AUH: variants seen among roughly 807,000 people sequenced by gnomAD.
AUH encodes the protein methylglutaconyl-CoA hydratase, mitochondrial.
Under a neutral mutation model 42.3 loss-of-function variants are expected in AUH, and 29 were observed. That is an observed-to-expected ratio of 0.69 (90% CI 0.51 to 0.93). AUH has a LOEUF of 0.93. Among genes scored for constraint, AUH ranks in the 40% least tolerant of loss-of-function variants. The pLI, the probability that AUH is intolerant of heterozygous loss-of-function variation, is 0.00. For missense variants in AUH, 452 were observed against 438.1 expected, an observed-to-expected ratio of 1.03 and a Z score of -0.28; for synonymous variants, 174 against 166.4, an observed-to-expected ratio of 1.05 and a Z score of -0.35.
At chr9:91,242,837 A>G (rs1318844537) in intron 6 of AUH, among the ~76,000 whole-genome samples, 2 of 152,234 alleles carry the variant, frequency 1.3e-5, no homozygotes, top group African/African-American at 4.8e-5. Context: ...AATAAAAGAA[A>G]TAATATGTGA....
chr9:91,288,818 T>C (rs549348462), intron 6 of AUH, among the ~76,000 whole-genome samples: 1 of 152,264 alleles, frequency 6.6e-6, no homozygotes, highest in South Asian at 2.1e-4. Flanking sequence ...AAATTGAGCC[T>C]TCTAAATTAA....
intron 6 of AUH, among the ~76,000 whole-genome samples, chr9:91,289,383 G>T (rs1256141684): frequency 6.6e-6 from 1 of 152,108 alleles, no homozygotes; most frequent in East Asian, 1.9e-4. Context: ...GTCAGCACCT[G>T]CTCATCTGGA....
At chr9:91,276,849 T>C in intron 6 of AUH, among the ~76,000 whole-genome samples, 1 of 152,200 alleles carries the variant, frequency 6.6e-6, no homozygotes, top group Non-Finnish European at 1.5e-5. Flanking sequence ...ATGTTTGCCA[T>C]GTGGTTTTCT....
chr9:91,233,685 T>C (rs1828017972), intron 6 of AUH, among the ~76,000 whole-genome samples: 3 of 152,176 alleles, frequency 2.0e-5, no homozygotes, highest in Admixed American at 1.3e-4. Flanking sequence ...CGTAACTGTT[T>C]CAAAATAATT....
rs183074787 is a variant in AUH at position 91,224,611 on chromosome 9, T to G, written c.656-3619A>C. ...CTTATGCTATGGTCTTTGATCAGTTTTGTGTTAATTTTTGCATAGGGTATA... is the reference window on the plus strand; with the variant it reads ...CTTATGCTATGGTCTTTGATCAGTTGTGTGTTAATTTTTGCATAGGGTATA... On this transcript the variant is annotated intron_variant, in intron 6 of 9. Transcript: ENST00000375731. Among the ~76,000 whole-genome samples, 13 of 152,354 alleles carry G rather than the reference T, an allele frequency of 8.5e-5. No homozygotes were observed. In the East Asian group the frequency reaches 2.5e-3, roughly 29 times the overall value.
chr9:91,256,332 T>C (rs1829401223), intron 6 of AUH, among the ~76,000 whole-genome samples: 1 of 152,128 alleles, frequency 6.6e-6, no homozygotes, highest in Non-Finnish European at 1.5e-5. Context: ...ACCCACAATC[T>C]GGAGACTGAG....
At chr9:91,233,634 T>C (rs544944745) in intron 6 of AUH, among the ~76,000 whole-genome samples, 2 of 152,234 alleles carry the variant, frequency 1.3e-5, no homozygotes, top group Admixed American at 6.5e-5. Flanking sequence ...TTCAGGGAGA[T>C]AAAGGAAGAC....
intron 3 of AUH, among the ~76,000 whole-genome samples, chr9:91,341,807 G>A (rs1412005276): frequency 6.6e-6 from 1 of 152,236 alleles, no homozygotes; most frequent in Non-Finnish European, 1.5e-5. Context: ...AACGTTCAGA[G>A]ATGAAGCTAA....
intron 6 of AUH, among the ~76,000 whole-genome samples, chr9:91,262,147 A>G (rs1829738013): frequency 6.6e-6 from 1 of 152,202 alleles, no homozygotes; most frequent in Non-Finnish European, 1.5e-5. Context: ...TTGTTCTTTA[A>G]ATATTATTTT....
intron 1 of AUH, among the ~76,000 whole-genome samples, chr9:91,359,535 C>A (rs546088211): frequency 6.3e-4 from 95 of 151,668 alleles, no homozygotes; most frequent in Admixed American, 1.1e-3. Context: ...CATCATAGCT[C>A]ACTGCAGCCT....
At chr9:91,297,549 TA>T (rs1394599437) in intron 5 of AUH, among the ~76,000 whole-genome samples, 2 of 151,928 alleles carry the variant, frequency 1.3e-5, no homozygotes, top group African/African-American at 4.8e-5. Context: ...GATATTGGCC[TA>T]AAAAAGGGAG....
intron 6 of AUH, among the ~76,000 whole-genome samples, chr9:91,231,101 T>C (rs936077718): frequency 2.0e-5 from 3 of 152,182 alleles, no homozygotes; most frequent in African/African-American, 7.2e-5. Context: ...CCCGGCTGCT[T>C]TGTTTACCTA....
In AUH at chr9:91,214,119, C is replaced by A; in HGVS notation, c.*229G>T. 2.2e-6 allele frequency: 1 copy of A among 461,842 alleles called. No homozygotes were observed. 28.6% of individuals were successfully genotyped at this position (461,842 alleles called of 1,614,324 possible). On this transcript the variant is annotated 3_prime_UTR_variant, in exon 10 of 10. Transcript: ENST00000375731. ...TAAAAATGTATATCTAACTTTGATT[C>A]TGTTTCTGACTATACACTACTAGCT...
intron 6 of AUH, among the ~76,000 whole-genome samples, chr9:91,280,192 T>A (rs901305322): frequency 6.6e-6 from 1 of 152,232 alleles, no homozygotes; most frequent in African/African-American, 2.4e-5. Context: ...TAGGCAGAAC[T>A]AATTTAACTT....
chr9:91,305,212 T>TA (rs202184696), intron 4 of AUH, among the ~76,000 whole-genome samples: 110 of 151,640 alleles, frequency 7.3e-4, no homozygotes, highest in African/African-American at 2.2e-3. Context: ...CAGGAAAAGT[T>TA]AAAAAAAAAT....
At chr9:91,338,254 C>T (rs1830834140) in intron 3 of AUH, among the ~76,000 whole-genome samples, 2 of 152,180 alleles carry the variant, frequency 1.3e-5, no homozygotes, top group South Asian at 4.1e-4. Context: ...AGGCCTACTT[C>T]GAGGCTTCTT....
intron 6 of AUH, among the ~76,000 whole-genome samples, chr9:91,263,900 T>C (rs1829830465): frequency 6.6e-6 from 1 of 152,230 alleles, no homozygotes; most frequent in African/African-American, 2.4e-5. Flanking sequence ...ATTGTAAGTA[T>C]ACAGAATATG....
intron 6 of AUH, among the ~76,000 whole-genome samples, chr9:91,260,770 T>C (rs1829666735): frequency 6.6e-6 from 1 of 152,204 alleles, no homozygotes. Context: ...AATATGTATA[T>C]ACAATAGACC....
At chr9:91,285,386 C>T (rs1826320380) in intron 6 of AUH, among the ~76,000 whole-genome samples, 1 of 151,834 alleles carries the variant, frequency 6.6e-6, no homozygotes, top group Non-Finnish European at 1.5e-5. Context: ...GTGCAGCACA[C>T]CAACATGGCA....
Sources: allele counts gnomAD v4.1 joint callset (sites outside exome capture counted in the v4.1 genomes callset), GRCh38; gene constraint gnomAD v4.1.1; transcripts MANE v1.5; gene names NCBI Gene and HGNC (gene_info 2026-07-23, HGNC 2026-07-21).